Variants in NFU1 observed in about 807,000 individuals in gnomAD.
The protein encoded by NFU1 is NFU1 iron-sulfur cluster scaffold homolog, mitochondrial.
A neutral mutation model predicts 32.2 loss-of-function variants in NFU1; 30 were observed. The ratio of observed to expected loss-of-function variants is 0.93; its 90% confidence interval spans 0.70 to 1.26. The LOEUF (loss-of-function observed/expected upper bound fraction) is 1.26, where lower values mean the gene tolerates loss of function less well. Among genes scored for constraint, NFU1 ranks in the 50% most tolerant of loss-of-function variants. The pLI is 0.00. For synonymous variants in NFU1, 112 were observed against 104.6 expected, an observed-to-expected ratio of 1.07 and a Z score of -0.43; for missense variants, 306 against 306.6, an observed-to-expected ratio of 1.00 and a Z score of 0.02.
Position 69,431,882 on chromosome 2 carries a change from T to C in NFU1, c.166+20A>G, listed in dbSNP as rs371322887. On this transcript the variant is annotated intron_variant, in intron 2 of 7. Transcript: ENST00000410022. ...ATCAGTTTCTGAAACACAACTGCTA[T>C]AAAAGAGGTGAAATTTTACCTGGGT... is the stretch of plus-strand genomic sequence containing the variant. 1 of 1,462,536 alleles carries C rather than the reference T, an allele frequency of 6.8e-7. No individual in the cohort carries two copies. The highest frequency in any genetic ancestry group is 1.4e-5 in the African/African-American group (1 of 71,948). 90.6% of individuals were successfully genotyped at this position (1,462,536 alleles called of 1,614,324 possible).
intron 7 of NFU1, among the ~76,000 whole-genome samples, chr2:69,397,573 T>G (rs760075429): frequency 2.2e-4 from 33 of 151,576 alleles, no homozygotes; most frequent in Non-Finnish European, 3.2e-4. Flanking sequence ...ACATAATTTT[T>G]TAAGGCATAT....
chr2:69,439,210 T>C (rs904800348), upstream of NFU1, among the ~76,000 whole-genome samples: 1 of 152,170 alleles, frequency 6.6e-6, no homozygotes, highest in Non-Finnish European at 1.5e-5. Flanking sequence ...CCACCATTCT[T>C]AGGGCCTGCT....
At chr2:69,424,109 T>G (rs1161275095) in intron 2 of NFU1, among the ~76,000 whole-genome samples, 11 of 129,946 alleles carry the variant, frequency 8.5e-5, no homozygotes, top group Admixed American at 1.9e-4. Flanking sequence ...GAGGCGGAGG[T>G]TGCAGTGAGC....
At chr2:69,431,839 A>G (rs1673648757) in intron 2 of NFU1, 63 bp downstream of exon 2, 4 of 1,012,226 alleles carry the variant, frequency 4.0e-6, no homozygotes, top group Non-Finnish European at 4.7e-6. Context: ...ATGATCCACA[A>G]AATCCTAGCA....
At chr2:69,429,018 A>T (rs546130396) in intron 2 of NFU1, among the ~76,000 whole-genome samples, 108 of 152,334 alleles carry the variant, frequency 7.1e-4, no homozygotes, top group Non-Finnish European at 1.2e-3. Flanking sequence ...GACAATTCCT[A>T]AAAAATGAAA....
At chr2:69,421,587 T>TG (rs1673244008) in intron 3 of NFU1, among the ~76,000 whole-genome samples, 1 of 139,766 alleles carries the variant, frequency 7.2e-6, no homozygotes, top group Non-Finnish European at 1.6e-5. Flanking sequence ...TTTTTTTTTT[T>TG]GAGACAGTCT....
At chr2:69,415,724 C>A (rs1673027920) in intron 4 of NFU1, among the ~76,000 whole-genome samples, 1 of 151,948 alleles carries the variant, frequency 6.6e-6, no homozygotes, top group Non-Finnish European at 1.5e-5. Flanking sequence ...GCCTGTAATC[C>A]CAGCATTTTG....
chr2:69,407,739 C>T (rs1018137841), intron 5 of NFU1, among the ~76,000 whole-genome samples: 3 of 149,126 alleles, frequency 2.0e-5, no homozygotes, highest in Non-Finnish European at 3.0e-5. Flanking sequence ...AAGGGCTGGG[C>T]GCAGTGGTTC....
At chr2:69,432,891 T>G (rs1391466157) in intron 1 of NFU1, among the ~76,000 whole-genome samples, 1 of 151,960 alleles carries the variant, frequency 6.6e-6, no homozygotes, top group African/African-American at 2.4e-5. Flanking sequence ...GGCTCACGCC[T>G]GTAATGCCAG....
rs542480887 is a variant in NFU1 at position 69,396,284 on chromosome 2, C to T, written c.727G>A (p.Asp243Asn). 66 of 1,604,102 alleles carry T rather than the reference C, an allele frequency of 4.1e-5. 1 individual carries two copies. The South Asian group carries it at 6.5e-4, about 16-fold the overall frequency. ...GCTTCTTTTTCATCTGATTCATCAT[C>T]CATAACCTAAAACCAAAAAACAAAG... ...PEVEGVEQVM[D>N]DESDEKEANS... Residue 243 changes from aspartate to asparagine, a missense_variant, in exon 8 of 8, where the codon GAT becomes AAT. Transcript: ENST00000410022.
intron 1 of NFU1, among the ~76,000 whole-genome samples, chr2:69,432,905 T>G (rs1673692601): frequency 6.6e-6 from 1 of 151,950 alleles, no homozygotes; most frequent in Non-Finnish European, 1.5e-5. Context: ...ATGCCAGCAC[T>G]TTGGGAGGCC....
chr2:69,416,658 G>T (rs1326465679), intron 4 of NFU1, among the ~76,000 whole-genome samples: 1 of 152,138 alleles, frequency 6.6e-6, no homozygotes, highest in Non-Finnish European at 1.5e-5. Flanking sequence ...AGCACTTTGG[G>T]GAGGCCGAGG....
At chr2:69,417,227 TTATC>T (rs1673085005) in intron 4 of NFU1, among the ~76,000 whole-genome samples, 1 of 152,130 alleles carries the variant, frequency 6.6e-6, no homozygotes, top group Non-Finnish European at 1.5e-5. Context: ...AGAAGTCTAA[TTATC>T]AACTGGAAAT....
In NFU1 at chr2:69,423,174, G is replaced by A. The variant is rs1340267664; in HGVS notation, c.302+408C>T. 5.9e-5 allele frequency among the ~76,000 whole-genome samples: 6 copies of A among 102,358 alleles called. 1 individual carries two copies. The highest frequency in any genetic ancestry group is 1.8e-4 in the African/African-American group (5 of 27,750). 67.2% of individuals were successfully genotyped at this position (102,358 alleles called of 152,430 possible). A position where few individuals can be genotyped will look rare whatever the true frequency, so the allele number is the denominator to read the frequency against. On this transcript the variant is annotated intron_variant, in intron 3 of 7. Transcript: ENST00000410022. ...TGTGTGTGTGTGTGTGTGTATGTGT[G>A]TGTGTGTGTGGTGAGATGGGCTGTG...
At chr2:69,413,397 A>C (rs1188289316) in intron 5 of NFU1, among the ~76,000 whole-genome samples, 1 of 152,200 alleles carries the variant, frequency 6.6e-6, no homozygotes, top group East Asian at 1.9e-4. Flanking sequence ...AAATTCTTAA[A>C]ATATACGGCT....
At chr2:69,432,056 A>T (rs1376687066) in intron 1 of NFU1, 51 bp from the exon 2 acceptor site, 54 of 1,285,842 alleles carry the variant, frequency 4.2e-5, no homozygotes, top group Non-Finnish European at 5.7e-5. Flanking sequence ...CTAATCTTTT[A>T]AAGTTGGTTT....
At chr2:69,438,073 T>C (rs940328546), upstream of NFU1, among the ~76,000 whole-genome samples, 6 of 152,120 alleles carry the variant, frequency 3.9e-5, no homozygotes, top group African/African-American at 1.4e-4. Flanking sequence ...AGAACCTTCC[T>C]GGAGTATTCC....
intron 5 of NFU1, among the ~76,000 whole-genome samples, chr2:69,412,640 C>T (rs1672923912): frequency 3.3e-5 from 5 of 152,156 alleles, no homozygotes; most frequent in Admixed American, 3.3e-4. Context: ...CCGCCTCGGC[C>T]TCCCAAATTC....
intron 6 of NFU1, among the ~76,000 whole-genome samples, chr2:69,403,219 T>C (rs577044210): frequency 7.2e-5 from 11 of 152,064 alleles, no homozygotes; most frequent in Non-Finnish European, 1.5e-4. Context: ...GTTGATTTTG[T>C]TTTTTTGTTT....
Sources: gnomAD v4.1 joint callset for allele counts (sites outside exome capture counted in the v4.1 genomes callset) on GRCh38, gnomAD v4.1.1 for gene constraint, MANE v1.5 for transcripts, NCBI Gene and HGNC (gene_info 2026-07-23, HGNC 2026-07-21) for gene names.